The following STK3 variants were observed in gnomAD, a reference collection of about 807,000 sequenced individuals.
STK3 encodes the protein serine/threonine kinase 3, also known as serine/threonine-protein kinase 3.
STK3 carries 41 observed loss-of-function variants against 58.0 expected under a neutral mutation model. The observed-to-expected ratio is 0.71, with a 90% CI of 0.55 to 0.92. The LOEUF is 0.92. Among genes scored for constraint, STK3 ranks in the 40% least tolerant of loss-of-function variants. The probability of loss-of-function intolerance (pLI) is 0.00; values close to 1 mark genes in which losing one functional copy is unlikely to be tolerated. For missense variants in STK3, 479 were observed against 602.7 expected, an observed-to-expected ratio of 0.79 and a Z score of 2.15; for synonymous variants, 170 against 191.0, an observed-to-expected ratio of 0.89 and a Z score of 0.91.
At chr8:98,934,504 G>A (rs1354879294) in intron 1 of STK3, among the ~76,000 whole-genome samples, 1 of 152,178 alleles carries the variant, frequency 6.6e-6, no homozygotes, top group Admixed American at 6.5e-5. Flanking sequence ...ATATGCTCAG[G>A]GGTTCCAAAG....
chr8:98,908,106 G>T (rs1262206989), intron 1 of STK3, among the ~76,000 whole-genome samples: 1 of 152,124 alleles, frequency 6.6e-6, no homozygotes, highest in Non-Finnish European at 1.5e-5. Context: ...TAATTGGTTG[G>T]TTGTTTTTCT....
chr8:98,398,464 A>C (rs1157113021), downstream of STK3, among the ~76,000 whole-genome samples: 3 of 152,166 alleles, frequency 2.0e-5, no homozygotes, highest in Non-Finnish European at 4.4e-5. Flanking sequence ...GAAATCAAGG[A>C]AAACCCTTTC....
chr8:98,558,439 C>T lies in STK3; in HGVS notation c.949-10278G>A, dbSNP rs991163689. Among the ~76,000 whole-genome samples, 19 of 152,044 alleles carry T rather than the reference C, an allele frequency of 1.2e-4. 1 individual carries two copies. The highest frequency in any genetic ancestry group is 4.3e-4 in the African/African-American group (18 of 41,428). On this transcript the variant is annotated intron_variant, in intron 8 of 10. Coordinates refer to ENST00000419617, the MANE Select transcript of STK3 (RefSeq NM_006281.4). ...AAGCAATGTTTATGTTCCTCAAGGA[C>T]AACAAATGTCTTTCACATTCAGTAA...
intron 1 of STK3, among the ~76,000 whole-genome samples, chr8:98,787,691 A>G (rs1832558193): frequency 6.6e-6 from 1 of 152,250 alleles, no homozygotes; most frequent in South Asian, 2.1e-4. Context: ...AAAAAGCACC[A>G]GGTAACCTTT....
chr8:98,869,292 A>G (rs1837275019), intron 3 of STK3, among the ~76,000 whole-genome samples: 1 of 152,046 alleles, frequency 6.6e-6, no homozygotes, highest in African/African-American at 2.4e-5. Context: ...GTGATGGCTC[A>G]CACCTGTAAT....
chr8:98,892,546 G>A (rs1406118420), intron 1 of STK3, among the ~76,000 whole-genome samples: 1 of 152,138 alleles, frequency 6.6e-6, no homozygotes, highest in East Asian at 1.9e-4. Flanking sequence ...CCCCGTCAGT[G>A]CACTCACCTT....
At chr8:98,722,834 G>C (rs1827528278) in intron 4 of STK3, 1 of 478,088 alleles carries the variant, frequency 2.1e-6, no homozygotes, top group Non-Finnish European at 4.1e-6. Flanking sequence ...AACACCAAGA[G>C]GGAGAAAACA....
chr8:98,398,556 C>G (rs1725151251), downstream of STK3, among the ~76,000 whole-genome samples: 4 of 152,170 alleles, frequency 2.6e-5, no homozygotes. Context: ...CCCTCACCAT[C>G]AGACTACAGG....
chr8:98,641,984 G>A (rs765545671), intron 6 of STK3, among the ~76,000 whole-genome samples: 5 of 152,166 alleles, frequency 3.3e-5, no homozygotes, highest in Non-Finnish European at 7.4e-5. Context: ...AGAGTTAATG[G>A]AAAAGGAGGG....
intron 4 of STK3, among the ~76,000 whole-genome samples, chr8:98,734,204 A>G (rs1828407293): frequency 1.3e-5 from 2 of 152,228 alleles, no homozygotes; most frequent in Admixed American, 1.3e-4. Context: ...ACTGGGGATT[A>G]CAATTCAACA....
intron 1 of STK3, among the ~76,000 whole-genome samples, chr8:98,382,996 T>C (rs1178278247): frequency 6.6e-6 from 1 of 152,074 alleles, no homozygotes; most frequent in Non-Finnish European, 1.5e-5. Flanking sequence ...CTGGGAACCT[T>C]CTCTGTGCCA....
intron 1 of STK3, among the ~76,000 whole-genome samples, chr8:98,820,138 C>T (rs1834793897): frequency 6.6e-6 from 1 of 152,118 alleles, no homozygotes; most frequent in African/African-American, 2.4e-5. Context: ...ACTCATTTGC[C>T]CTTATGAAAT....
intron 1 of STK3, among the ~76,000 whole-genome samples, chr8:98,795,337 TAAA>T (rs35961541): frequency 1.6e-4 from 19 of 117,476 alleles, no homozygotes; most frequent in African/African-American, 3.8e-4. Flanking sequence ...CCCTTCATGA[TAAA>T]AAAAAAAAAA....
At chr8:98,512,332 A>T (rs1019354107) in intron 10 of STK3, among the ~76,000 whole-genome samples, 12 of 152,210 alleles carry the variant, frequency 7.9e-5, no homozygotes, top group Non-Finnish European at 1.5e-5. Flanking sequence ...GAATTGTTCT[A>T]AGTTCCTTAG....
chr8:98,764,657 T>C (rs1354016792), intron 3 of STK3, among the ~76,000 whole-genome samples: 1 of 152,256 alleles, frequency 6.6e-6, no homozygotes, highest in Admixed American at 6.5e-5. Flanking sequence ...CTGGATAGTC[T>C]AGTTGAGTTG....
intron 7 of STK3, among the ~76,000 whole-genome samples, chr8:98,590,583 T>C (rs1815215678): frequency 6.6e-6 from 1 of 152,178 alleles, no homozygotes; most frequent in South Asian, 2.1e-4. Flanking sequence ...GGGATTGATC[T>C]CCCAAGGGAG....
the STK3 span, among the ~76,000 whole-genome samples, chr8:98,361,094 A>G: frequency 9.5e-3 from 1,446 of 152,286 alleles, 16 homozygotes; most frequent in African/African-American, 0.033. Context: ...CAGAATGTAT[A>G]AACTAAGGTA....
chr8:98,798,953 CA>C (rs941577812), intron 1 of STK3, among the ~76,000 whole-genome samples: 1 of 152,216 alleles, frequency 6.6e-6, no homozygotes, highest in African/African-American at 2.4e-5. Context: ...GATATAGCAA[CA>C]AGACACTATC....
At chr8:98,355,789 C>G in the STK3 span, among the ~76,000 whole-genome samples, 1 of 152,204 alleles carries the variant, frequency 6.6e-6, no homozygotes, top group African/African-American at 2.4e-5. Context: ...TGCCAATCAC[C>G]AAATCTTTCC....
Sources: allele counts gnomAD v4.1 joint callset (sites outside exome capture counted in the v4.1 genomes callset), GRCh38; gene constraint gnomAD v4.1.1; transcripts MANE v1.5; gene names NCBI Gene and HGNC (gene_info 2026-07-23, HGNC 2026-07-21).